SAMD8: variants seen among roughly 807,000 people sequenced by gnomAD.
SAMD8 encodes sterile alpha motif domain containing 8.
Under a neutral mutation model 42.0 loss-of-function variants are expected in SAMD8, and 20 were observed. The ratio of observed to expected loss-of-function variants is 0.48; its 90% CI spans 0.34 to 0.69. The LOEUF (loss-of-function observed/expected upper bound fraction) is 0.69, where lower values mean the gene tolerates loss of function less well. Ranked by LOEUF, SAMD8 falls within the 30% of genes least tolerant of loss-of-function variation. The pLI, the probability that SAMD8 is intolerant of heterozygous loss-of-function variation, is 0.01. For missense variants in SAMD8, 328 were observed against 511.6 expected, an observed-to-expected ratio of 0.64 and a Z score of 3.46; for synonymous variants, 162 against 173.0, an observed-to-expected ratio of 0.94 and a Z score of 0.50.
chr10:75,168,453 G>C, intron 3 of SAMD8, 88 bp from the exon 4 acceptor site: 1 of 1,551,346 alleles, frequency 6.4e-7, no homozygotes, highest in South Asian at 1.2e-5. Context: ...TTTTCTGTTT[G>C]CTCTTCCTTG....
chr10:75,171,201 G>GT (rs1435138282), intron 4 of SAMD8, among the ~76,000 whole-genome samples: 4 of 103,278 alleles, frequency 3.9e-5, no homozygotes, highest in Non-Finnish European at 7.0e-5. Flanking sequence ...GAGTCTCGCT[G>GT]TGTCACTCAG....
intron 1 of SAMD8, among the ~76,000 whole-genome samples, chr10:75,117,217 G>A (rs1435796699): frequency 1.3e-5 from 2 of 149,264 alleles, no homozygotes; most frequent in Non-Finnish European, 3.0e-5. Flanking sequence ...GAGCCCAGGA[G>A]TTTGAGACCA....
intron 1 of SAMD8, among the ~76,000 whole-genome samples, chr10:75,102,443 A>T: frequency 6.6e-6 from 1 of 152,186 alleles, no homozygotes; most frequent in South Asian, 2.1e-4. Flanking sequence ...ACTCCGTCTC[A>T]AAAAGAAAAA....
At position 75,135,657 on chromosome 10, in the gene SAMD8, C is replaced by A. The variant is rs887571480; in HGVS notation, c.-15-14857C>A. Among the ~76,000 whole-genome samples, 9 of 151,874 alleles carry A rather than the reference C, an allele frequency of 5.9e-5. No individual in the cohort carries two copies. The East Asian group carries it at 1.7e-3, about 29-fold the overall frequency. ...TGGCTAACATGGTGAAACCCTCTCT[C>A]TACTAAAAATACAAAAAAATTAACT... On this transcript the variant is annotated intron_variant, in intron 1 of 5. Transcript: ENST00000542569.
intron 1 of SAMD8, among the ~76,000 whole-genome samples, chr10:75,140,015 A>G (rs577087267): frequency 6.6e-6 from 1 of 152,322 alleles, no homozygotes; most frequent in South Asian, 2.1e-4. Context: ...ATGGGTATCC[A>G]TTTGTTCCAG....
chr10:75,113,448 C>T (rs1848816289), intron 1 of SAMD8, among the ~76,000 whole-genome samples: 1 of 151,790 alleles, frequency 6.6e-6, no homozygotes, highest in African/African-American at 2.4e-5. Context: ...GATCCTCCCA[C>T]CTCAGCCTCC....
In SAMD8 at chr10:75,176,332, C is replaced by T; in HGVS notation, c.944-56C>T. ...AAACAGCCTGACCTGAGAAACGTGA[C>T]TGAGAAGCATTGGAAGGAATGTAGC... is the stretch of plus-strand genomic sequence containing the variant. On this transcript the variant is annotated intron_variant, in intron 5 of 5. Transcript: ENST00000542569. The surrounding 1 kb of genome is among the most constrained non-coding windows in gnomAD (Gnocchi z 4.3). 1.3e-6 allele frequency: 2 copies of T among 1,593,758 alleles called. No homozygotes were observed. Among genetic ancestry groups the T allele is most frequent in the South Asian group, 2.3e-5 (2 of 87,448 alleles).
chr10:75,171,309 G>A (rs981225518), intron 4 of SAMD8, among the ~76,000 whole-genome samples: 3 of 151,334 alleles, frequency 2.0e-5, no homozygotes, highest in East Asian at 2.0e-4. Flanking sequence ...TGGGACTACA[G>A]GCGCCCGCCA....
rs182887668 is a variant in SAMD8, at chr10:75,131,944, G to T, written c.-15-18570G>T. Among the ~76,000 whole-genome samples the T allele has an allele frequency of 5.4e-3, 822 of 152,318 alleles. 5 individuals are homozygous for T. The highest frequency in any genetic ancestry group is 0.019 in the African/African-American group (781 of 41,572). On this transcript the variant is annotated intron_variant, in intron 1 of 5. Coordinates refer to ENST00000542569, the MANE Select transcript of SAMD8 (RefSeq NM_001174156.2). Reference sequence around the variant, plus strand: ...AAATTTCTGTCTCTTCTGAGATTCTGATTCAGTTGTCCTAGGATGAGGCAT... The same window carrying T: ...AAATTTCTGTCTCTTCTGAGATTCTTATTCAGTTGTCCTAGGATGAGGCAT...
chr10:75,142,397 T>C (rs557957240), intron 1 of SAMD8, among the ~76,000 whole-genome samples: 7 of 152,218 alleles, frequency 4.6e-5, no homozygotes, highest in Non-Finnish European at 1.0e-4. Context: ...ATGTTTTACA[T>C]ATGTTATAAA....
At chr10:75,164,421 G>T in intron 2 of SAMD8, 1 of 638,478 alleles carries the variant, frequency 1.6e-6, no homozygotes, top group Non-Finnish European at 1.9e-6. Context: ...TTTGCTGTCA[G>T]AGAACCCTAA....
chr10:75,128,352 C>T (rs1199772554), intron 1 of SAMD8, among the ~76,000 whole-genome samples: 1 of 152,002 alleles, frequency 6.6e-6, no homozygotes, highest in East Asian at 1.9e-4. Flanking sequence ...GGATTACAGG[C>T]GTGAGCCACC....
chr10:75,153,919 C>T (rs1840353325), intron 2 of SAMD8, among the ~76,000 whole-genome samples: 3 of 152,008 alleles, frequency 2.0e-5, no homozygotes, highest in African/African-American at 7.2e-5. Context: ...CATGTGCCAC[C>T]ATGCCCAGCT....
intron 1 of SAMD8, among the ~76,000 whole-genome samples, chr10:75,144,720 C>T (rs1320553306): frequency 1.3e-5 from 2 of 151,994 alleles, no homozygotes; most frequent in East Asian, 1.9e-4. Context: ...TGCAGTGGCG[C>T]GATCTCAGTC....
upstream of SAMD8, among the ~76,000 whole-genome samples, chr10:75,106,662 A>G (rs1053629009): frequency 6.6e-6 from 1 of 152,152 alleles, no homozygotes; most frequent in East Asian, 1.9e-4. Flanking sequence ...AGTAGCTCTC[A>G]CTATACTATT....
At chr10:75,160,779 C>G (rs1043323957) in intron 2 of SAMD8, among the ~76,000 whole-genome samples, 19 of 152,144 alleles carry the variant, frequency 1.2e-4, no homozygotes, top group Non-Finnish European at 2.2e-4. Flanking sequence ...ATTTGTACTT[C>G]AGAGCTCCCA....
chr10:75,148,290 TA>T (rs1413999082), intron 1 of SAMD8, among the ~76,000 whole-genome samples: 3 of 151,590 alleles, frequency 2.0e-5, no homozygotes, highest in African/African-American at 7.3e-5. Context: ...CAAGTTACTG[TA>T]AGTCTTCGTG....
chr10:75,149,767 G>A (rs1460044569), intron 1 of SAMD8, among the ~76,000 whole-genome samples: 1 of 151,826 alleles, frequency 6.6e-6, no homozygotes, highest in African/African-American at 2.4e-5. Context: ...TATATTTCTT[G>A]ATTTTATGAA....
chr10:75,153,823 G>A (rs1840350420), intron 2 of SAMD8, among the ~76,000 whole-genome samples: 1 of 150,720 alleles, frequency 6.6e-6, no homozygotes, highest in Non-Finnish European at 1.5e-5. Flanking sequence ...GGAGTGCAGT[G>A]ACACAATCTC....
Sources: gnomAD v4.1 joint callset for allele counts (sites outside exome capture counted in the v4.1 genomes callset) on GRCh38, gnomAD v4.1.1 for gene constraint, Gnocchi (gnomAD v3.1) non-coding constraint, MANE v1.5 for transcripts, NCBI Gene and HGNC (gene_info 2026-07-23, HGNC 2026-07-21) for gene names.